The following TDRD3 variants were observed in gnomAD, a reference collection of about 807,000 sequenced individuals.
TDRD3 encodes the protein tudor domain containing 3, also known as tudor domain-containing protein 3.
In TDRD3, 45 loss-of-function variants were observed where a neutral mutation model predicts 86.7. That is an observed-to-expected ratio of 0.52 (90% CI 0.41 to 0.67). The LOEUF (loss-of-function observed/expected upper bound fraction) is 0.67. Among genes scored for constraint, TDRD3 ranks in the 30% least tolerant of loss-of-function variants. TDRD3 has a pLI of 0.00. For synonymous variants in TDRD3, 298 were observed against 301.7 expected, an observed-to-expected ratio of 0.99 and a Z score of 0.13; for missense variants, 814 against 889.0, an observed-to-expected ratio of 0.92 and a Z score of 1.07.
chr13:60,451,843 C>T (rs943481286), intron 3 of TDRD3, among the ~76,000 whole-genome samples: 1 of 152,046 alleles, frequency 6.6e-6, no homozygotes, highest in African/African-American at 2.4e-5. Flanking sequence ...TCTCCCCTGC[C>T]CATACAGATT....
chr13:60,418,908 G>A (rs1225283773), intron 1 of TDRD3, among the ~76,000 whole-genome samples: 2 of 152,072 alleles, frequency 1.3e-5, no homozygotes, highest in African/African-American at 4.8e-5. Context: ...ATTTTTTATT[G>A]TTGAGTAGTA....
chr13:60,541,118 A>G (rs1957799124), intron 12 of TDRD3, among the ~76,000 whole-genome samples: 1 of 151,824 alleles, frequency 6.6e-6, no homozygotes, highest in Non-Finnish European at 1.5e-5. Flanking sequence ...ACTATTTGAA[A>G]AATCTACAGC....
intron 1 of TDRD3, among the ~76,000 whole-genome samples, chr13:60,431,624 T>C (rs1011714065): frequency 6.8e-6 from 1 of 146,524 alleles, no homozygotes; most frequent in Admixed American, 7.1e-5. Context: ...GATTCTTAAA[T>C]AGTGTTAAGT....
Position 60,397,287 on chromosome 13 carries a change from A to AAG in TDRD3, c.-78_-77insAG. 1 of 568,554 alleles carries AAG rather than the reference A, an allele frequency of 1.8e-6. No homozygotes were observed. The highest frequency in any genetic ancestry group is 3.9e-5 in the East Asian group (1 of 25,714). 35.2% of individuals were successfully genotyped at this position (568,554 alleles called of 1,614,324 possible). A position where few individuals can be genotyped will look rare whatever the true frequency, so the allele number is the denominator to read the frequency against. On this transcript the variant is annotated 5_prime_UTR_variant, in exon 1 of 14. It removes the in-frame stop codon of an upstream open reading frame in the 5' UTR. Transcript: ENST00000377881. ...CTTTTCTTTTCTTTTTTTTTTTTTA[A>AAG]GGGGGGGGGTCTCAAGTAGGAGGCC...
At chr13:60,529,250 A>G in intron 11 of TDRD3, 33 bp downstream of exon 11, 2 of 1,523,728 alleles carry the variant, frequency 1.3e-6, no homozygotes, top group East Asian at 2.3e-5. Context: ...ATACACTAAT[A>G]TTACGAAATG....
intron 1 of TDRD3, among the ~76,000 whole-genome samples, chr13:60,436,187 A>G (rs1329060877): frequency 2.0e-5 from 3 of 146,522 alleles, no homozygotes; most frequent in African/African-American, 7.6e-5. Context: ...GTTTGCAAAT[A>G]TTTTCTCCTG....
At chr13:60,531,331 G>A (rs1362234933) in intron 11 of TDRD3, among the ~76,000 whole-genome samples, 1 of 152,112 alleles carries the variant, frequency 6.6e-6, no homozygotes, top group Non-Finnish European at 1.5e-5. Context: ...TTGAGTAGTG[G>A]GAGATTCATT....
At chr13:60,423,868 TAAA>T (rs1380054899) in intron 1 of TDRD3, among the ~76,000 whole-genome samples, 1 of 151,954 alleles carries the variant, frequency 6.6e-6, no homozygotes, top group Non-Finnish European at 1.5e-5. Flanking sequence ...TCAGCGAAAC[TAAA>T]AAAGATCAAG....
At chr13:60,524,436 G>A (rs1444516689) in intron 10 of TDRD3, among the ~76,000 whole-genome samples, 1 of 151,838 alleles carries the variant, frequency 6.6e-6, no homozygotes, top group East Asian at 1.9e-4. Flanking sequence ...GAACCCGGGA[G>A]GCGGAGGTTG....
At chr13:60,460,820 T>A (rs1955786493) in intron 4 of TDRD3, 2 of 194,604 alleles carry the variant, frequency 1.0e-5, no homozygotes, top group Non-Finnish European at 1.0e-5. Context: ...GCCTGACCAA[T>A]GTGGTGAAAC....
At chr13:60,513,378 T>C (rs1957100368) in intron 10 of TDRD3, among the ~76,000 whole-genome samples, 1 of 152,212 alleles carries the variant, frequency 6.6e-6, no homozygotes, top group Admixed American at 6.5e-5. Flanking sequence ...TTTTCCCCAT[T>C]GTCTTGGGGA....
chr13:60,550,086 C>G (rs951259379), intron 12 of TDRD3, among the ~76,000 whole-genome samples: 12 of 151,956 alleles, frequency 7.9e-5, no homozygotes, highest in African/African-American at 2.9e-4. Context: ...AGAACCTAAA[C>G]AATTTACAGT....
chr13:60,427,710 A>G (rs566532378), intron 1 of TDRD3, among the ~76,000 whole-genome samples: 2 of 152,308 alleles, frequency 1.3e-5, no homozygotes, highest in South Asian at 4.1e-4. Context: ...CTAACCAATA[A>G]GGTTCACTGA....
At chr13:60,564,916 TAAG>T (rs1958414937) in intron 12 of TDRD3, among the ~76,000 whole-genome samples, 2 of 152,056 alleles carry the variant, frequency 1.3e-5, no homozygotes, top group African/African-American at 2.4e-5. Context: ...CCATATACTA[TAAG>T]AAGTGATTGT....
intron 12 of TDRD3, among the ~76,000 whole-genome samples, chr13:60,542,244 G>A (rs371920911): frequency 3.3e-5 from 5 of 151,882 alleles, no homozygotes; most frequent in Non-Finnish European, 5.9e-5. Flanking sequence ...CCATTCTTTC[G>A]CAAATATATG....
chr13:60,529,988 T>C (rs984381845), intron 11 of TDRD3, among the ~76,000 whole-genome samples: 2 of 152,126 alleles, frequency 1.3e-5, no homozygotes, highest in Non-Finnish European at 2.9e-5. Flanking sequence ...CAACATGCTC[T>C]TCTATCAGCT....
At chr13:60,430,036 C>T (rs1042960004) in intron 1 of TDRD3, among the ~76,000 whole-genome samples, 2 of 152,090 alleles carry the variant, frequency 1.3e-5, no homozygotes, top group Non-Finnish European at 2.9e-5. Flanking sequence ...TCAGTATTTT[C>T]AGTACGGTCT....
At chr13:60,508,112 TAAGAG>T (rs1224916404) in intron 8 of TDRD3, among the ~76,000 whole-genome samples, 1 of 151,962 alleles carries the variant, frequency 6.6e-6, no homozygotes, top group African/African-American at 2.4e-5. Context: ...CTCAAGGAAA[TAAGAG>T]AGGATACAAA....
In TDRD3 at chr13:60,528,678, T is replaced by C. The variant is rs1566275961; in HGVS notation, c.1453T>C (p.Tyr485His). Residue 485 changes from tyrosine (Y) to histidine (H), a missense_variant, in exon 11 of 14, where the codon TAT becomes CAT. Transcript: ENST00000377881. ...SRYDRTKDTS[Y>H]PLGSQHSDGA... Reference sequence around the variant, plus strand: ...ATATGACAGAACTAAAGATACTTCATATCCTTTAGGTTCTCAGCATAGTGA... The same window carrying C: ...ATATGACAGAACTAAAGATACTTCACATCCTTTAGGTTCTCAGCATAGTGA... 6.2e-7 allele frequency: 1 copy of C among 1,613,826 alleles called. No homozygotes were observed. Among genetic ancestry groups the C allele is most frequent in the African/African-American group, 1.3e-5 (1 of 75,036 alleles).
Sources: allele counts gnomAD v4.1 joint callset (sites outside exome capture counted in the v4.1 genomes callset), GRCh38; gene constraint gnomAD v4.1.1; transcripts MANE v1.5; gene names NCBI Gene and HGNC (gene_info 2026-07-23, HGNC 2026-07-21).